Variants in NTM observed in about 807,000 individuals in gnomAD.
The protein encoded by NTM is IgLON family member 2.
Under a neutral mutation model 42.1 loss-of-function variants are expected in NTM, and 13 were observed. The observed-to-expected ratio is 0.31, with a 90% CI of 0.20 to 0.49. NTM has a LOEUF of 0.49. Ranked by LOEUF, NTM falls within the 20% of genes least tolerant of loss-of-function variation. The probability of loss-of-function intolerance (pLI) is 0.99; values close to 1 mark genes in which losing one functional copy is unlikely to be tolerated. For synonymous variants in NTM, 187 were observed against 179.2 expected (o/e 1.04, Z -0.35); for missense variants, 373 against 452.8 (o/e 0.82, Z 1.60).
chr11:132,036,248 G>T (rs1342971426), intron 2 of NTM, among the ~76,000 whole-genome samples: 1 of 152,100 alleles, frequency 6.6e-6, no homozygotes, highest in Non-Finnish European at 1.5e-5. Flanking sequence ...TCCTCAATTG[G>T]CCTGGTGATA....
At chr11:131,502,930 C>G (rs998744048) in intron 1 of NTM, 1 of 152,140 alleles carries the variant, frequency 6.6e-6, no homozygotes, top group Non-Finnish European at 1.5e-5. Flanking sequence ...GATGTGATTC[C>G]CTCTGGCTGA....
chr11:131,557,678 C>T, intron 1 of NTM, among the ~76,000 whole-genome samples: 1 of 137,388 alleles, frequency 7.3e-6, no homozygotes, highest in East Asian at 2.3e-4. Context: ...GCAGGAGGCA[C>T]TGTTGTTGAT....
At chr11:131,542,780 G>A (rs2053448917) in intron 1 of NTM, among the ~76,000 whole-genome samples, 1 of 152,164 alleles carries the variant, frequency 6.6e-6, no homozygotes, top group African/African-American at 2.4e-5. Context: ...GGGAGGGAGG[G>A]AAGGAAGAAA....
chr11:131,752,828 G>A (rs1054961679), intron 1 of NTM, among the ~76,000 whole-genome samples: 5 of 152,172 alleles, frequency 3.3e-5, no homozygotes, highest in African/African-American at 1.2e-4. Context: ...GCATAGGCAT[G>A]AGCAAGGACT....
At chr11:132,176,937 C>A (rs573791638) in intron 3 of NTM, among the ~76,000 whole-genome samples, 1 of 152,058 alleles carries the variant, frequency 6.6e-6, no homozygotes, top group East Asian at 1.9e-4. Context: ...CCATGTTGGC[C>A]AGGCTGGTCT....
At chr11:131,872,369 C>T (rs1180191543) in intron 1 of NTM, among the ~76,000 whole-genome samples, 4 of 152,144 alleles carry the variant, frequency 2.6e-5, no homozygotes, top group Non-Finnish European at 5.9e-5. Flanking sequence ...TTAGATTCGT[C>T]GATTTCTCAG....
intron 1 of NTM, among the ~76,000 whole-genome samples, chr11:131,653,607 G>A (rs1304156184): frequency 6.6e-6 from 1 of 152,242 alleles, no homozygotes; most frequent in East Asian, 1.9e-4. Flanking sequence ...ACTGTGAGAT[G>A]TTTAGCAGGA....
At chr11:131,434,272 G>A (rs1431903838) in intron 1 of NTM, among the ~76,000 whole-genome samples, 3 of 152,164 alleles carry the variant, frequency 2.0e-5, no homozygotes, top group African/African-American at 7.2e-5. Flanking sequence ...CTTTATACTA[G>A]CATGATTTAT....
chr11:132,100,087 C>T (rs551280610), intron 2 of NTM, among the ~76,000 whole-genome samples: 1 of 152,292 alleles, frequency 6.6e-6, no homozygotes, highest in South Asian at 2.1e-4. Context: ...AAAACAAAAA[C>T]AAAAGCAGTA....
At chr11:131,743,121 A>C (rs1565491353) in intron 1 of NTM, among the ~76,000 whole-genome samples, 1 of 152,198 alleles carries the variant, frequency 6.6e-6, no homozygotes, top group South Asian at 2.1e-4. Flanking sequence ...GTCTCAACAA[A>C]AGTTGGGACT....
chr11:131,414,390 C>A (rs1946734485), intron 1 of NTM, among the ~76,000 whole-genome samples: 1 of 152,164 alleles, frequency 6.6e-6, no homozygotes, highest in Non-Finnish European at 1.5e-5. Context: ...TCTGCTGGGA[C>A]CCCAGTCTCT....
At chr11:131,785,985 A>C (rs1243558192) in intron 1 of NTM, among the ~76,000 whole-genome samples, 1 of 152,162 alleles carries the variant, frequency 6.6e-6, no homozygotes, top group Non-Finnish European at 1.5e-5. Flanking sequence ...ACCAGATGGA[A>C]AGGAAGGTGT....
chr11:132,282,517 C>G (rs565231613), intron 4 of NTM, among the ~76,000 whole-genome samples: 22 of 152,262 alleles, frequency 1.4e-4, no homozygotes, highest in African/African-American at 5.3e-4. Flanking sequence ...TCTACAACAA[C>G]TCTGAACAGA....
In NTM at chr11:131,880,438, A is replaced by G. The variant is rs536659046; in HGVS notation, c.83-31126A>G. Among the ~76,000 whole-genome samples the G allele has an allele frequency of 8.5e-5, 13 of 152,324 alleles. No individual in the cohort carries two copies. In the South Asian group the frequency reaches 2.7e-3, roughly 32 times the overall value. ...TGCAAATGAGGGAAGGGAATTGTTC[A>G]TTTGCTCAGCAGGTGCTAGGACAAG... On this transcript the variant is annotated intron_variant, in intron 1 of 8. Transcript: ENST00000683400.
chr11:132,328,254 C>G (rs60680679), intron 7 of NTM, among the ~76,000 whole-genome samples: 3 of 152,158 alleles, frequency 2.0e-5, no homozygotes, highest in African/African-American at 7.2e-5. Flanking sequence ...CTCATTGTGG[C>G]GGGCTAGAAG....
At chr11:131,833,755 G>A (rs2043120128) in intron 1 of NTM, among the ~76,000 whole-genome samples, 1 of 152,196 alleles carries the variant, frequency 6.6e-6, no homozygotes, top group African/African-American at 2.4e-5. Flanking sequence ...TGAGGAGGCA[G>A]GATAGCCTAG....
At chr11:132,083,377 A>G (rs886288518) in intron 2 of NTM, among the ~76,000 whole-genome samples, 1 of 152,246 alleles carries the variant, frequency 6.6e-6, no homozygotes, top group Non-Finnish European at 1.5e-5. Context: ...TATTTGCATA[A>G]AGTGCAGCAA....
At chr11:131,748,713 A>G (rs1034726808) in intron 1 of NTM, among the ~76,000 whole-genome samples, 27 of 152,166 alleles carry the variant, frequency 1.8e-4, no homozygotes, top group African/African-American at 6.0e-4. Flanking sequence ...CAATTCTTTT[A>G]ATTTATTTAA....
chr11:131,646,547 T>A (rs73592225), intron 1 of NTM, among the ~76,000 whole-genome samples: 4,248 of 152,316 alleles, frequency 0.028, 76 homozygotes, highest in African/African-American at 0.054. Context: ...ATATGCAGAT[T>A]TTAGATGAAG....
Sources: allele counts gnomAD v4.1 joint callset (sites outside exome capture counted in the v4.1 genomes callset), GRCh38; gene constraint gnomAD v4.1.1; transcripts MANE v1.5; gene names NCBI Gene and HGNC (gene_info 2026-07-23, HGNC 2026-07-21).